The following SIAE variants were observed in gnomAD, a reference collection of about 807,000 sequenced individuals.
SIAE encodes sialate O-acetylesterase.
Under a neutral mutation model 52.6 loss-of-function variants are expected in SIAE, and 39 were observed. The ratio of observed to expected loss-of-function variants is 0.74; its 90% CI spans 0.57 to 0.97. The LOEUF is 0.97. SIAE is among the 50% of genes least tolerant of loss of function. The probability of loss-of-function intolerance (pLI) is 0.00; values close to 1 mark genes in which losing one functional copy is unlikely to be tolerated. For missense variants in SIAE, 592 were observed against 662.1 expected, an observed-to-expected ratio of 0.89 and a Z score of 1.16; for synonymous variants, 233 against 241.4, an observed-to-expected ratio of 0.97 and a Z score of 0.32.
chr11:124,651,343 C>T (rs59203293), intron 4 of SIAE, among the ~76,000 whole-genome samples: 7 of 152,098 alleles, frequency 4.6e-5, no homozygotes, highest in African/African-American at 1.4e-4. Context: ...GTCAGGAGTT[C>T]GAGACCAGCC....
rs776138075 is a variant in SIAE at position 124,670,419 on chromosome 11, T to C, written c.68-898A>G. Among the ~76,000 whole-genome samples, 4 of 152,034 alleles carry C rather than the reference T, an allele frequency of 2.6e-5. No individual in the cohort carries two copies. The highest frequency in any genetic ancestry group is 4.8e-5 in the African/African-American group (2 of 41,392). On this transcript the variant is annotated intron_variant, in intron 1 of 9. Transcript: ENST00000263593. The surrounding 1 kb of genome is among the most constrained non-coding windows in gnomAD (Gnocchi z 4.5). ...AGTATTTTATTAATACAAACATCCA[T>C]CCAAATTATCTCAGCGTGTTCCTCA...
rs543818494 is a variant in SIAE at position 124,649,857 on chromosome 11, G to T, written c.545-61C>A. On this transcript the variant is annotated intron_variant, in intron 4 of 9. Transcript: ENST00000263593. ...GAAAGGTTGATGGATACAAACTGCA[G>T]CTGCTAGGTGGGTCGAGGTGAGAAG... The T allele has an allele frequency of 1.0e-3, 1,584 of 1,570,866 alleles. 4 individuals are homozygous for T. The highest frequency in any genetic ancestry group is 1.2e-3 in the Non-Finnish European group (1,344 of 1,143,582).
Position 124,654,775 on chromosome 11 carries a change from C to G in SIAE, c.424G>C (p.Glu142Gln). ...TGATATGCCGCAGTGTTAGACAACT[C>G]CCTTGTAGCATTAAATATCTGGAAA... ...TVLQIFNATRELSNTAAYQSV... is the reference protein window; with the variant it reads ...TVLQIFNATRQLSNTAAYQSV... The change falls in exon 4 of 10, where the codon GAG becomes CAG. Residue 142 changes from glutamate (E) to glutamine (Q), a missense_variant. By Grantham distance (29) the Glu-to-Gln change is conservative. Transcript: ENST00000263593. 1 of 1,613,810 alleles carries G rather than the reference C, an allele frequency of 6.2e-7. No homozygotes were observed. The highest frequency in any genetic ancestry group is 1.7e-5 in the Admixed American group (1 of 60,012).
intron 3 of SIAE, 112 bp downstream of exon 3, chr11:124,660,516 G>T: frequency 9.8e-7 from 1 of 1,017,136 alleles, no homozygotes; most frequent in Non-Finnish European, 1.5e-6. Flanking sequence ...CTTGGCTCAT[G>T]GTACTCACTA....
intron 2 of SIAE, among the ~76,000 whole-genome samples, chr11:124,666,501 C>T (rs1050147930): frequency 6.6e-6 from 1 of 152,164 alleles, no homozygotes; most frequent in African/African-American, 2.4e-5. Context: ...ACTCAAATAC[C>T]TTCCCCTTTT....
Position 124,636,298 on chromosome 11 carries a change from TGAA to T in SIAE, c.*650_*652del, listed in dbSNP as rs964397579. The T allele has an allele frequency of 6.5e-6, 1 of 154,814 alleles. No individual in the cohort carries two copies. The highest frequency in any genetic ancestry group is 1.4e-5 in the Non-Finnish European group (1 of 69,622). 9.6% of individuals were successfully genotyped at this position (154,814 alleles called of 1,614,324 possible). The stretch of plus-strand genomic sequence containing the variant: ...TGAAGGAACAGAATTGGTTTGGGCT[TGAA>T]GAGAATACAAAGAGATCTGTCTTCA... On this transcript the variant is annotated 3_prime_UTR_variant, in exon 10 of 10. Coordinates refer to ENST00000263593, the MANE Select transcript of SIAE (RefSeq NM_170601.5).
chr11:124,642,223 A>G (rs1942861009), intron 7 of SIAE, among the ~76,000 whole-genome samples: 1 of 152,220 alleles, frequency 6.6e-6, no homozygotes, highest in Non-Finnish European at 1.5e-5. Context: ...GCATCCAAGT[A>G]GCACCAGAAT....
intron 3 of SIAE, chr11:124,659,948 T>C (rs75359017): frequency 0.062 from 9,624 of 154,744 alleles, 1,036 homozygotes; most frequent in African/African-American, 0.22. Context: ...TCTAGTTCTA[T>C]ACAGGTTTAC....
chr11:124,663,934 T>C (rs1943230532), intron 2 of SIAE, among the ~76,000 whole-genome samples: 1 of 152,226 alleles, frequency 6.6e-6, no homozygotes, highest in Non-Finnish European at 1.5e-5. Flanking sequence ...TTGCTCTGCA[T>C]CCCTCTTCTG....
chr11:124,674,154 T>G (rs1591400525), upstream of SIAE: 2 of 152,576 alleles, frequency 1.3e-5, no homozygotes, highest in Middle Eastern at 5.8e-3. Flanking sequence ...CCGCCCGCCC[T>G]CCTCTGCCCA....
chr11:124,660,653 C>T lies in SIAE; in HGVS notation c.380G>A (p.Ser127Asn), dbSNP rs1469447831. 9 of 1,614,154 alleles carry T rather than the reference C, an allele frequency of 5.6e-6. No homozygotes were observed. Among genetic ancestry groups the T allele is most frequent in the African/African-American group, 1.3e-5 (1 of 75,050 alleles). Residue 127 changes from serine (S) to asparagine (N), a missense_variant, in exon 3 of 10, where the codon AGT becomes AAT. Coordinates refer to ENST00000263593, the MANE Select transcript of SIAE (RefSeq NM_170601.5). Reference sequence around the variant, plus strand: ...CTGTAACACAGTCATCTGCATGTTACTCTGCCCACTACAGAGCCAGACATC... The same window carrying T: ...CTGTAACACAGTCATCTGCATGTTATTCTGCCCACTACAGAGCCAGACATC... ...FGDVWLCSGQ[S>N]NMQMTVLQIF...
rs1239263726 is a variant in SIAE at position 124,634,645 on chromosome 11, A to C, written c.*2306T>G. On this transcript the variant is annotated 3_prime_UTR_variant, in exon 10 of 10. Coordinates refer to ENST00000263593, the MANE Select transcript of SIAE (RefSeq NM_170601.5). The stretch of plus-strand genomic sequence containing the variant: ...TACAGTATTATTTTAATAGTAGAAA[A>C]TTGTTAAAAATCTATATGTCCATTA... The C allele has an allele frequency of 2.0e-5, 3 of 152,184 alleles. No individual in the cohort carries two copies. Among genetic ancestry groups the C allele is most frequent in the African/African-American group, 7.2e-5 (3 of 41,434 alleles). The allele number at this position is 152,184 out of a possible 1,614,324, so 9.4% of individuals were successfully genotyped here. A position where few individuals can be genotyped will look rare whatever the true frequency, so the allele number is the denominator to read the frequency against.
rs1025328244 is a variant in SIAE at position 124,670,681 on chromosome 11, C to T, written c.68-1160G>A. ...AACAGGGCAGCACAGCTAATGGAGT[C>T]GCCTACACAGCTCCGTGGCCTATTT... On this transcript the variant is annotated intron_variant, in intron 1 of 9. Transcript: ENST00000263593. The surrounding 1 kb of genome is among the most constrained non-coding windows in gnomAD (Gnocchi z 4.5). 6.6e-6 allele frequency among the ~76,000 whole-genome samples: 1 copy of T among 152,140 alleles called. No homozygotes were observed. Among genetic ancestry groups the T allele is most frequent in the African/African-American group, 2.4e-5 (1 of 41,440 alleles).
rs1942793120 is a variant in SIAE, at chr11:124,638,701, C to G, written c.1161G>C (p.Arg387=). ...CCAGAGCACGGGCCCCCAAATGCAG[C>G]CGATAAGCCACAGTCTGTTTATCTC... ...HPRDKQTVAY[R]LHLGARALAY... Residue 387 remains arginine (R), a synonymous_variant, in exon 9 of 10, where the codon CGG becomes CGC. Coordinates refer to ENST00000263593, the MANE Select transcript of SIAE (RefSeq NM_170601.5). 4 of 1,614,106 alleles carry G rather than the reference C, an allele frequency of 2.5e-6. No individual in the cohort carries two copies. Among genetic ancestry groups the G allele is most frequent in the Non-Finnish European group, 3.4e-6 (4 of 1,180,022 alleles).
At chr11:124,665,041 T>G (rs1943254511) in intron 2 of SIAE, among the ~76,000 whole-genome samples, 2 of 152,164 alleles carry the variant, frequency 1.3e-5, no homozygotes, top group Admixed American at 1.3e-4. Flanking sequence ...CACCATCAAA[T>G]ATGAATGCAA....
chr11:124,645,976 G>A lies in SIAE; in HGVS notation c.966+1389C>T, dbSNP rs142644224. ...GTGAGAAGTCATCTGTGGGGCGTGCGGAGGTGGTGTCTGGGACCATGGATG... is the reference window on the plus strand; with the variant it reads ...GTGAGAAGTCATCTGTGGGGCGTGCAGAGGTGGTGTCTGGGACCATGGATG... On this transcript the variant is annotated intron_variant, in intron 7 of 9. Transcript: ENST00000263593. The surrounding 1 kb of genome is among the most constrained non-coding windows in gnomAD (Gnocchi z 4.7). 2.8e-4 allele frequency among the ~76,000 whole-genome samples: 42 copies of A among 152,280 alleles called. No individual in the cohort carries two copies. Among genetic ancestry groups the A allele is most frequent in the Non-Finnish European group, 4.3e-4 (29 of 68,016 alleles).
At chr11:124,654,373 CG>C in intron 4 of SIAE, 1 of 985,280 alleles carries the variant, frequency 1.0e-6, no homozygotes, top group Non-Finnish European at 1.2e-6. Flanking sequence ...GTGAAGGCAT[CG>C]GCGAGAGATG....
upstream of SIAE, chr11:124,673,866 GTT>G (rs541892126): frequency 1.8e-3 from 947 of 525,768 alleles, 1 homozygote; most frequent in African/African-American, 7.8e-3. Flanking sequence ...GGCCGCCGTA[GTT>G]TTTTTTTTTT....
At chr11:124,659,655 G>C (rs1285354473) in intron 3 of SIAE, 1 of 132,004 alleles carries the variant, frequency 7.6e-6, no homozygotes, top group Non-Finnish European at 1.6e-5. Context: ...AAAAGGGGGG[G>C]GGGGGGCTTC....
Sources: gnomAD v4.1 joint callset for allele counts (sites outside exome capture counted in the v4.1 genomes callset) on GRCh38, gnomAD v4.1.1 for gene constraint, Gnocchi (gnomAD v3.1) non-coding constraint, MANE v1.5 for transcripts, NCBI Gene and HGNC (gene_info 2026-07-23, HGNC 2026-07-21) for gene names.